HYCC2: variants seen among roughly 807,000 people sequenced by gnomAD.
The protein encoded by HYCC2 is hyccin PI4KA lipid kinase complex subunit 2.
At chr2:200,999,245 T>A in the HYCC2 span, among the ~76,000 whole-genome samples, 92 of 152,242 alleles carry the variant, frequency 6.0e-4, 1 homozygote, top group South Asian at 3.5e-3. Flanking sequence ...TATGGTGAAG[T>A]TTATAGTCAG....
chr2:201,060,458 T>C, the HYCC2 span, among the ~76,000 whole-genome samples: 1 of 152,146 alleles, frequency 6.6e-6, no homozygotes, highest in Non-Finnish European at 1.5e-5. Flanking sequence ...AGCCCTTTTG[T>C]CTATGCCTTT....
the HYCC2 span, among the ~76,000 whole-genome samples, chr2:200,990,232 T>C: frequency 1.4e-4 from 21 of 152,288 alleles, no homozygotes; most frequent in Admixed American, 3.9e-4. Context: ...AATTTTGGTA[T>C]TAAATTTAAG....
At chr2:201,022,912 G>A in the HYCC2 span, 1 of 1,613,022 alleles carries the variant, frequency 6.2e-7, no homozygotes, top group Non-Finnish European at 8.5e-7. Flanking sequence ...CATAACTGGT[G>A]ATCTGAGTGT....
the HYCC2 span, among the ~76,000 whole-genome samples, chr2:200,986,191 C>T: frequency 6.6e-6 from 1 of 152,136 alleles, no homozygotes; most frequent in Admixed American, 6.5e-5. Context: ...TTTTTGGGTC[C>T]CTAGGTCATG....
the HYCC2 span, chr2:201,063,436 T>C: frequency 2.5e-6 from 4 of 1,590,570 alleles, no homozygotes; most frequent in Non-Finnish European, 3.4e-6. Flanking sequence ...AAGAAGACAC[T>C]GAAGAACATC....
the HYCC2 span, chr2:200,981,224 T>A: frequency 6.3e-7 from 1 of 1,579,192 alleles, no homozygotes; most frequent in South Asian, 1.2e-5. This position sits in a 1 kb window ranked among gnomAD's most constrained non-coding sequence, Gnocchi z 4.5. Flanking sequence ...CACAATGAAA[T>A]GTTCAGTTTA....
chr2:201,007,338 T>C, the HYCC2 span, among the ~76,000 whole-genome samples: 1 of 152,198 alleles, frequency 6.6e-6, no homozygotes, highest in African/African-American at 2.4e-5. Context: ...TCAGAACACT[T>C]ACATTAGCCC....
the HYCC2 span, chr2:200,974,202 T>TGCTA: frequency 6.6e-6 from 1 of 151,422 alleles, no homozygotes; most frequent in Non-Finnish European, 1.5e-5. Flanking sequence ...TATAGGTTGA[T>TGCTA]GCTAGTTTAA....
chr2:201,026,090 C>A, the HYCC2 span, among the ~76,000 whole-genome samples: 2 of 152,026 alleles, frequency 1.3e-5, no homozygotes, highest in African/African-American at 2.4e-5. Flanking sequence ...CAAAGACATG[C>A]ATAGGCTCAA....
chr2:200,973,915 T>A, the HYCC2 span: 1 of 152,118 alleles, frequency 6.6e-6, no homozygotes, highest in Non-Finnish European at 1.5e-5. Context: ...TATTTTTTCA[T>A]CTCTGGCAGA....
the HYCC2 span, among the ~76,000 whole-genome samples, chr2:200,982,232 A>G: frequency 7.2e-6 from 1 of 138,620 alleles, no homozygotes; most frequent in Non-Finnish European, 1.5e-5. Flanking sequence ...ACCTACTGGA[A>G]AAAAAAAAAA....
At chr2:201,070,503 T>A in the HYCC2 span, among the ~76,000 whole-genome samples, 406 of 151,992 alleles carry the variant, frequency 2.7e-3, 2 homozygotes, top group Middle Eastern at 0.01. Flanking sequence ...AAATACAAAA[T>A]TAGTCGGGCG....
chr2:201,070,568 C>T, the HYCC2 span, among the ~76,000 whole-genome samples: 1 of 152,052 alleles, frequency 6.6e-6, no homozygotes, highest in Non-Finnish European at 1.5e-5. Flanking sequence ...AGGAGAATGG[C>T]TTGAACCCGG....
the HYCC2 span, among the ~76,000 whole-genome samples, chr2:201,038,202 T>C: frequency 2.9e-3 from 442 of 152,280 alleles, no homozygotes; most frequent in Non-Finnish European, 4.2e-3. Flanking sequence ...GATACCATCT[T>C]ACACCAGTTA....
chr2:201,064,007 G>A, the HYCC2 span: 89 of 1,596,460 alleles, frequency 5.6e-5, no homozygotes, highest in Admixed American at 1.3e-4. Flanking sequence ...TGGCTATGGC[G>A]GTTCCAGCAG....
the HYCC2 span, among the ~76,000 whole-genome samples, chr2:200,983,244 C>T: frequency 3.3e-5 from 5 of 152,114 alleles, no homozygotes; most frequent in Non-Finnish European, 7.4e-5. Flanking sequence ...ATTTTCCAGA[C>T]TTCTGTAAAG....
chr2:201,008,975 G>A, the HYCC2 span: 1 of 1,594,976 alleles, frequency 6.3e-7, no homozygotes, highest in Non-Finnish European at 8.6e-7. Flanking sequence ...ACCATTACCG[G>A]TTCTGTGCAG....
the HYCC2 span, chr2:201,023,067 G>C: frequency 5.0e-6 from 3 of 601,984 alleles, no homozygotes; most frequent in African/African-American, 1.9e-5. Flanking sequence ...TAAAGAAATA[G>C]GCTGGGCACA....
the HYCC2 span, among the ~76,000 whole-genome samples, chr2:201,005,459 C>A: frequency 6.6e-6 from 1 of 152,060 alleles, no homozygotes. Context: ...AGTGCTGCAA[C>A]TGTGGGTGCA....
Sources: allele counts gnomAD v4.1 joint callset (sites outside exome capture counted in the v4.1 genomes callset), GRCh38; gene constraint gnomAD v4.1.1; non-coding constraint Gnocchi (gnomAD v3.1); transcripts MANE v1.5; gene names NCBI Gene and HGNC (gene_info 2026-07-23, HGNC 2026-07-21).